VEGFD: variants seen among roughly 807,000 people sequenced by gnomAD.
VEGFD encodes the protein c-fos induced growth factor (vascular endothelial growth factor D).
VEGFD carries 26 observed loss-of-function variants against 28.0 expected under a neutral mutation model. The observed-to-expected ratio is 0.93, with a 90% CI of 0.68 to 1.29. VEGFD has a LOEUF of 1.29. Among genes scored for constraint, VEGFD ranks in the 50% most tolerant of loss-of-function variants. The probability of loss-of-function intolerance (pLI) is 0.00; values close to 1 mark genes in which losing one functional copy is unlikely to be tolerated. For missense variants in VEGFD, 294 were observed against 273.4 expected (o/e 1.08, Z -0.53); for synonymous variants, 93 against 95.5 (o/e 0.97, Z 0.15).
intron 5 of VEGFD, among the ~76,000 whole-genome samples, chrX:15,351,419 G>A (rs183235779): frequency 2.4e-3 from 266 of 109,859 alleles, no homozygotes; most frequent in African/African-American, 8.5e-3. Context: ...GCGCCCGGCC[G>A]GCCCGGCTGG....
At position 15,347,210 on chromosome X, in the gene VEGFD, C is replaced by T. The variant is rs1922575142; in HGVS notation, c.892G>A (p.Glu298Lys). ...CSCFECKESL[E>K]TCCQKHKLFH... The stretch of plus-strand genomic sequence containing the variant: ...AGCTTGTGCTTCTGGCAGCAGGTCT[C>T]CAGACTTTCTTTGCACTCAAAGCAA... The change falls in exon 6 of 7, where the codon GAG becomes AAG. Residue 298 changes from glutamate to lysine, a missense_variant. Coordinates refer to ENST00000297904, the MANE Select transcript of VEGFD (RefSeq NM_004469.5). 8.3e-7 allele frequency: 1 copy of T among 1,211,135 alleles called. No individual in the cohort carries two copies. The highest frequency in any genetic ancestry group is 3.0e-5 in the East Asian group (1 of 33,777).
intron 1 of VEGFD, among the ~76,000 whole-genome samples, chrX:15,372,771 A>G (rs907451586): frequency 2.7e-5 from 3 of 112,203 alleles, no homozygotes; most frequent in African/African-American, 9.7e-5. Context: ...CAGTCGATGC[A>G]TGCTCAGAAA....
chrX:15,382,103 C>G (rs754945800), intron 1 of VEGFD, among the ~76,000 whole-genome samples: 102 of 111,361 alleles, frequency 9.2e-4, no homozygotes, highest in African/African-American at 3.1e-3. Flanking sequence ...GGCAGATCAT[C>G]AGGTCAGGAG....
At chrX:15,376,415 T>C (rs1015196685) in intron 1 of VEGFD, among the ~76,000 whole-genome samples, 1 of 112,016 alleles carries the variant, frequency 8.9e-6, no homozygotes, top group Non-Finnish European at 1.9e-5. Context: ...GAGAATAAGG[T>C]AGTGATGTTT....
chrX:15,383,237 G>C (rs1323429612), intron 1 of VEGFD, among the ~76,000 whole-genome samples: 1 of 111,903 alleles, frequency 8.9e-6, no homozygotes, highest in East Asian at 2.8e-4. Flanking sequence ...GCAACATTCT[G>C]GTTAATTTTT....
intron 6 of VEGFD, 28 bp from the exon 7 acceptor site, chrX:15,346,287 A>G (rs779690897): frequency 3.4e-6 from 4 of 1,192,871 alleles, no homozygotes; most frequent in African/African-American, 1.8e-5. Flanking sequence ...AAAGATGAGA[A>G]TTCAGAATCA....
chrX:15,383,421 T>G (rs1025301920), intron 1 of VEGFD, among the ~76,000 whole-genome samples: 6 of 112,526 alleles, frequency 5.3e-5, no homozygotes, highest in Admixed American at 1.9e-4. Flanking sequence ...AAAATGTTCA[T>G]AGAAAGCACT....
Position 15,363,327 on chromosome X carries a change from A to C in VEGFD, c.91-8T>G. On this transcript the variant is annotated splice_polypyrimidine_tract_variant and splice_region_variant and intron_variant, in intron 1 of 6. Coordinates refer to ENST00000297904, the MANE Select transcript of VEGFD (RefSeq NM_004469.5). ...TGTGGACTGAGATGATCGCTTAAAA[A>C]AACAAAAATACCAGTTTAAAAACAA... 8.5e-7 allele frequency: 1 copy of C among 1,178,488 alleles called. No individual in the cohort carries two copies. Among genetic ancestry groups the C allele is most frequent in the Non-Finnish European group, 1.1e-6 (1 of 870,372 alleles).
chrX:15,355,817 C>T (rs1472750472), intron 3 of VEGFD, among the ~76,000 whole-genome samples: 1 of 111,792 alleles, frequency 8.9e-6, no homozygotes, highest in African/African-American at 3.3e-5. Flanking sequence ...ATGAAAAGAA[C>T]ATAATCCGGC....
At chrX:15,369,155 AAGGT>A (rs1200106197) in intron 1 of VEGFD, among the ~76,000 whole-genome samples, 1 of 111,584 alleles carries the variant, frequency 9.0e-6, no homozygotes, top group East Asian at 2.8e-4. Flanking sequence ...GATATTTGGA[AAGGT>A]ATAGTGGTGG....
intron 1 of VEGFD, among the ~76,000 whole-genome samples, chrX:15,369,208 G>A (rs1276322160): frequency 9.0e-6 from 1 of 111,376 alleles, no homozygotes; most frequent in East Asian, 2.8e-4. Context: ...CACGTTGTGA[G>A]GAAGTCAACG....
At chrX:15,351,360 C>A (rs1470109693) in intron 5 of VEGFD, among the ~76,000 whole-genome samples, 3 of 107,198 alleles carry the variant, frequency 2.8e-5, no homozygotes, top group Non-Finnish European at 5.8e-5. Flanking sequence ...ACCTCGTGAT[C>A]CGCCCGCCTC....
chrX:15,366,411 A>G (rs886065677), intron 1 of VEGFD, among the ~76,000 whole-genome samples: 2 of 112,431 alleles, frequency 1.8e-5, no homozygotes, highest in African/African-American at 3.2e-5. Flanking sequence ...TTTTAACTTT[A>G]TAGGTATGAC....
At chrX:15,375,976 G>A (rs1162586403) in intron 1 of VEGFD, among the ~76,000 whole-genome samples, 1 of 111,397 alleles carries the variant, frequency 9.0e-6, no homozygotes, top group Non-Finnish European at 1.9e-5. Context: ...GCAGATGGGT[G>A]TGGGATGGGC....
At chrX:15,376,116 T>C (rs905513797) in intron 1 of VEGFD, among the ~76,000 whole-genome samples, 4 of 111,880 alleles carry the variant, frequency 3.6e-5, no homozygotes, top group African/African-American at 1.3e-4. Context: ...AAAGCCTTTA[T>C]GGTGATTAGG....
chrX:15,354,202 A>T (rs1225161670), intron 4 of VEGFD, among the ~76,000 whole-genome samples: 2 of 109,503 alleles, frequency 1.8e-5, no homozygotes, highest in African/African-American at 6.7e-5. Flanking sequence ...CAATCTCCTG[A>T]CCTCGTGATC....
At chrX:15,365,185 T>G (rs1263790363) in intron 1 of VEGFD, among the ~76,000 whole-genome samples, 2 of 111,785 alleles carry the variant, frequency 1.8e-5, no homozygotes, top group South Asian at 7.5e-4. Flanking sequence ...CAGGCTGGAG[T>G]GCAGTGGCAC....
intron 1 of VEGFD, among the ~76,000 whole-genome samples, chrX:15,367,972 A>AAGAAAG: frequency 4.1e-4 from 33 of 80,606 alleles, no homozygotes; most frequent in South Asian, 1.2e-3. Flanking sequence ...GAAAGAAAGA[A>AAGAAAG]AGAAAGAAAA....
At chrX:15,379,443 G>A (rs1211847175) in intron 1 of VEGFD, among the ~76,000 whole-genome samples, 1 of 112,111 alleles carries the variant, frequency 8.9e-6, no homozygotes, top group African/African-American at 3.2e-5. Context: ...AGGCTTTCAT[G>A]ATGCAGTAGC....
Sources: gnomAD v4.1 joint callset for allele counts (sites outside exome capture counted in the v4.1 genomes callset) on GRCh38, gnomAD v4.1.1 for gene constraint, MANE v1.5 for transcripts, NCBI Gene and HGNC (gene_info 2026-07-23, HGNC 2026-07-21) for gene names.